Variants in ZNF799 observed in about 807,000 individuals in gnomAD.
The protein encoded by ZNF799 is zinc finger protein 799.
ZNF799 carries 28 observed loss-of-function variants against 41.0 expected under a neutral mutation model. The observed-to-expected ratio is 0.68, with a 90% CI of 0.51 to 0.94. The LOEUF (loss-of-function observed/expected upper bound fraction) is 0.94, where lower values mean the gene tolerates loss of function less well. ZNF799 is among the 40% of genes least tolerant of loss of function. The pLI, the probability that ZNF799 is intolerant of heterozygous loss-of-function variation, is 0.00. For synonymous variants in ZNF799, 213 were observed against 252.9 expected, an observed-to-expected ratio of 0.84 and a Z score of 1.50; for missense variants, 716 against 764.3, an observed-to-expected ratio of 0.94 and a Z score of 0.74.
Position 12,391,113 on chromosome 19 carries a change from C to T in ZNF799, c.1285G>A (p.Ala429Thr), listed in dbSNP as rs1202153466. 1.2e-6 allele frequency: 2 copies of T among 1,614,166 alleles called. No individual in the cohort carries two copies. Among genetic ancestry groups the T allele is most frequent in the Non-Finnish European group, 1.7e-6 (2 of 1,180,014 alleles). The change falls in exon 4 of 4, where the codon GCC (alanine) becomes ACC (threonine). Residue 429 changes from alanine to threonine, a missense_variant. Ala to Thr is a moderately conservative substitution (Grantham distance 58). Transcript: ENST00000430385. ...CGAAGAGAACTGGAAATACGGTAGGCTTTGCCACATTGTTTACATTTATAG... is the reference window on the plus strand; with the variant it reads ...CGAAGAGAACTGGAAATACGGTAGGTTTTGCCACATTGTTTACATTTATAG... ...KPYKCKQCGK[A>T]YRISSSLRRH... is the part of the protein sequence containing the mutation.
At chr19:12,406,357 G>C in the ZNF799 span, among the ~76,000 whole-genome samples, 1 of 150,446 alleles carries the variant, frequency 6.6e-6, no homozygotes, top group African/African-American at 2.4e-5. Context: ...GGTGGCAGGC[G>C]CCTGTAGTCC....
upstream of ZNF799, among the ~76,000 whole-genome samples, chr19:12,404,050 G>T (rs184486228): frequency 1.4e-4 from 21 of 152,198 alleles, no homozygotes; most frequent in East Asian, 4.1e-3. Context: ...CCATATGTTT[G>T]TATGGTTTCC....
chr19:12,408,886 T>A, the ZNF799 span, among the ~76,000 whole-genome samples: 1 of 151,742 alleles, frequency 6.6e-6, no homozygotes, highest in Non-Finnish European at 1.5e-5. Flanking sequence ...ATACAAAAAA[T>A]TAGCTGGGCG....
chr19:12,397,248 T>G (rs1347938029), intron 1 of ZNF799, among the ~76,000 whole-genome samples: 1 of 151,888 alleles, frequency 6.6e-6, no homozygotes, highest in Non-Finnish European at 1.5e-5. Flanking sequence ...GCTAGGGAAA[T>G]CAATAATAAA....
At chr19:12,406,498 A>G in the ZNF799 span, among the ~76,000 whole-genome samples, 5 of 151,698 alleles carry the variant, frequency 3.3e-5, 1 homozygote, top group South Asian at 8.3e-4. Flanking sequence ...AAAAAAAACC[A>G]AAAAACTTTA....
chr19:12,401,300 T>A, upstream of ZNF799: 4 of 1,305,354 alleles, frequency 3.1e-6, no homozygotes, highest in Non-Finnish European at 4.1e-6. Context: ...CCACGGCCCT[T>A]ACTGGATACG....
the ZNF799 span, among the ~76,000 whole-genome samples, chr19:12,414,288 C>A: frequency 2.0e-5 from 3 of 151,946 alleles, no homozygotes; most frequent in African/African-American, 7.3e-5. Flanking sequence ...AGACCCAGAC[C>A]CTCACAGAGC....
At chr19:12,409,352 C>T in the ZNF799 span, among the ~76,000 whole-genome samples, 1 of 152,204 alleles carries the variant, frequency 6.6e-6, no homozygotes, top group Non-Finnish European at 1.5e-5. Flanking sequence ...TAACCAGCTA[C>T]AGACCAGTAC....
Position 12,391,920 on chromosome 19 carries a change from C to T in ZNF799, c.478G>A (p.Glu160Lys), listed in dbSNP as rs745931692. The T allele has an allele frequency of 2.9e-5, 47 of 1,614,084 alleles. No individual in the cohort carries two copies. The highest frequency in any genetic ancestry group is 8.3e-5 in the Admixed American group (5 of 60,012). The change falls in exon 4 of 4, where the codon GAG becomes AAG. Residue 160 changes from glutamate to lysine, a missense_variant. By Grantham distance (56) the Glu-to-Lys change is moderately conservative. Around this residue, in one of 2 missense-constraint regions of ZNF799, gnomAD observed 698 missense variants for 713.6 expected, o/e 0.98. Coordinates refer to ENST00000430385, the MANE Select transcript of ZNF799 (RefSeq NM_001080821.3). ...GGTTTCTTTCCAGTGTGAAGCCTCT[C>T]ATGTGTTTGAAGTGAGTTGTGGTAA... The part of the protein sequence containing the change: ...FSYHNSLQTH[E>K]RLHTGKKPYN...
chr19:12,401,734 C>A (rs1476516247), upstream of ZNF799, among the ~76,000 whole-genome samples: 1 of 151,302 alleles, frequency 6.6e-6, no homozygotes, highest in Non-Finnish European at 1.5e-5. Flanking sequence ...GCCACCACAC[C>A]CGGCTAATTT....
Position 12,401,208 on chromosome 19 carries a change from G to C in ZNF799, c.-138C>G. 3 of 1,531,896 alleles carry C rather than the reference G, an allele frequency of 2.0e-6. No individual in the cohort carries two copies. Among genetic ancestry groups the C allele is most frequent in the Middle Eastern group, 1.7e-4 (1 of 5,750 alleles). 94.9% of individuals were successfully genotyped at this position (1,531,896 alleles called of 1,614,324 possible). A position where few individuals can be genotyped will look rare whatever the true frequency, so the allele number is the denominator to read the frequency against. On this transcript the variant is annotated 5_prime_UTR_variant, in exon 1 of 4. Transcript: ENST00000430385. ...CGAGCACCGAGCGCCCAGCGCAGGT[G>C]GGTGGAGAAGACGCCGCGGGCTTTT...
chr19:12,411,434 G>A, the ZNF799 span, among the ~76,000 whole-genome samples: 3 of 152,074 alleles, frequency 2.0e-5, no homozygotes, highest in Non-Finnish European at 2.9e-5. Context: ...GTATTAGCAG[G>A]CAACGATATA....
chr19:12,391,398 C>A lies in ZNF799; in HGVS notation c.1000G>T (p.Asp334Tyr), dbSNP rs1357601501. 1.9e-6 allele frequency: 3 copies of A among 1,614,036 alleles called. No homozygotes were observed. The highest frequency in any genetic ancestry group is 2.7e-5 in the African/African-American group (2 of 74,914). Residue 334 changes from aspartate (D) to tyrosine (Y), a missense_variant, in exon 4 of 4, where the codon GAT becomes TAT. Physicochemically the swap from Asp to Tyr is radical, Grantham distance 160 (BLOSUM62 -3). Around this residue, in one of 2 missense-constraint regions of ZNF799, gnomAD observed 698 missense variants for 713.6 expected, o/e 0.98. Transcript: ENST00000430385. ...CATATCTTACACTTATGAGGTCCATCTCTCGTGTGCATTACCATGTGTCTT... is the reference window on the plus strand; with the variant it reads ...CATATCTTACACTTATGAGGTCCATATCTCGTGTGCATTACCATGTGTCTT... ...FQRHMVMHTRDGPHKCKICGK... is the reference protein window; with the variant it reads ...FQRHMVMHTRYGPHKCKICGK...
chr19:12,405,539 C>T (rs1970023797), upstream of ZNF799, among the ~76,000 whole-genome samples: 3 of 152,146 alleles, frequency 2.0e-5, no homozygotes, highest in African/African-American at 7.2e-5. Context: ...CAGAGCCATC[C>T]ACAAAGACTG....
the ZNF799 span, among the ~76,000 whole-genome samples, chr19:12,414,083 A>G: frequency 1.3e-5 from 2 of 152,196 alleles, no homozygotes; most frequent in African/African-American, 4.8e-5. Context: ...GCTGGGAACC[A>G]AGCGCAAGGA....
chr19:12,412,094 T>C, the ZNF799 span, among the ~76,000 whole-genome samples: 1 of 152,188 alleles, frequency 6.6e-6, no homozygotes, highest in African/African-American at 2.4e-5. Context: ...ACAACTTGCC[T>C]GACTCACCCC....
At position 12,401,125 on chromosome 19, in the gene ZNF799, G is replaced by T. The variant is rs1325891400; in HGVS notation, c.-55C>A. On this transcript the variant is annotated 5_prime_UTR_variant, in exon 1 of 4. Transcript: ENST00000430385. The stretch of plus-strand genomic sequence containing the variant: ...CCGGACGGCTCCCGCTGCCAATGCG[G>T]GTTCCCGCGGGACACAGGCTGCCAC... The T allele has an allele frequency of 9.9e-6, 16 of 1,612,898 alleles. No individual in the cohort carries two copies. Among genetic ancestry groups the T allele is most frequent in the Admixed American group, 1.7e-5 (1 of 59,958 alleles).
At chr19:12,396,238 C>T (rs1969892111) in intron 1 of ZNF799, among the ~76,000 whole-genome samples, 1 of 152,200 alleles carries the variant, frequency 6.6e-6, no homozygotes, top group Non-Finnish European at 1.5e-5. Flanking sequence ...ACTGCACTCA[C>T]TGAATAAAAA....
At chr19:12,394,963 G>A (rs1969873466) in intron 1 of ZNF799, 1 of 837,834 alleles carries the variant, frequency 1.2e-6, no homozygotes. Flanking sequence ...GCTTTTATTT[G>A]TCCTTGGCCC....
Sources: gnomAD v4.1 joint callset for allele counts (sites outside exome capture counted in the v4.1 genomes callset) on GRCh38, gnomAD v4.1.1 for gene constraint, gnomAD v4.1.1 regional missense constraint, MANE v1.5 for transcripts, NCBI Gene and HGNC (gene_info 2026-07-23, HGNC 2026-07-21) for gene names.